The following AFF1 variants were observed in gnomAD, a reference collection of about 807,000 sequenced individuals.
The protein encoded by AFF1 is AF4/FMR2 family member 1.
AFF1 carries 48 observed loss-of-function variants against 121.7 expected under a neutral mutation model. The observed-to-expected ratio is 0.39, with a 90% CI of 0.31 to 0.50. AFF1 has a LOEUF of 0.50. Ranked by LOEUF, AFF1 falls within the 20% of genes least tolerant of loss-of-function variation. AFF1 has a pLI of 0.76. For synonymous variants in AFF1, 613 were observed against 563.0 expected, an observed-to-expected ratio of 1.09 and a Z score of -1.26; for missense variants, 1,523 against 1,511.7, an observed-to-expected ratio of 1.01 and a Z score of -0.12.
At chr4:86,969,033 G>C (rs1334137155) in intron 2 of AFF1, among the ~76,000 whole-genome samples, 5 of 152,204 alleles carry the variant, frequency 3.3e-5, no homozygotes, top group Non-Finnish European at 4.4e-5. Context: ...TGTGTTCATT[G>C]GTCTTAGGTC....
intron 2 of AFF1, among the ~76,000 whole-genome samples, chr4:87,020,500 T>C (rs1473309881): frequency 1.3e-5 from 2 of 152,174 alleles, no homozygotes; most frequent in Non-Finnish European, 2.9e-5. Flanking sequence ...TTTTGTTTTG[T>C]TTCAGATGGA....
chr4:86,942,117 CT>C (rs952983860), intron 1 of AFF1, among the ~76,000 whole-genome samples: 1 of 152,182 alleles, frequency 6.6e-6, no homozygotes, highest in African/African-American at 2.4e-5. Context: ...TGTTCTCAGT[CT>C]TTTTTTCTTT....
At chr4:86,957,822 G>T (rs549057413) in intron 2 of AFF1, among the ~76,000 whole-genome samples, 1 of 152,012 alleles carries the variant, frequency 6.6e-6, no homozygotes, top group Non-Finnish European at 1.5e-5. Flanking sequence ...GATTACAGGC[G>T]TGAGCCACCA....
At chr4:86,987,845 C>T (rs1310949401) in intron 2 of AFF1, among the ~76,000 whole-genome samples, 11 of 151,420 alleles carry the variant, frequency 7.3e-5, no homozygotes, top group Admixed American at 5.3e-4. Flanking sequence ...CCCAGGTACT[C>T]GGGAGGCTGA....
chr4:87,115,609 C>CTTTTTTTTT (rs71660115), intron 12 of AFF1, among the ~76,000 whole-genome samples: 5,795 of 40,578 alleles, frequency 0.14, 979 homozygotes, highest in African/African-American at 0.3. Context: ...CAACCCACCT[C>CTTTTTTTTT]TTTTTTTTTT....
intron 2 of AFF1, among the ~76,000 whole-genome samples, chr4:87,000,272 C>T (rs561464640): frequency 2.0e-5 from 3 of 152,100 alleles, no homozygotes; most frequent in Admixed American, 6.6e-5. Context: ...CAGCCAAAAC[C>T]AGATAGAGGA....
In AFF1 at chr4:87,060,308, A is replaced by G. The variant is rs138584307; in HGVS notation, c.1059+12714A>G. On this transcript the variant is annotated intron_variant, in intron 4 of 20. Coordinates refer to ENST00000395146, the MANE Select transcript of AFF1 (RefSeq NM_001166693.3). ...GAAGTTTTATGCATCTGTCTCATAT[A>G]TAGGTGCTTTCTTTTGTATTAAATA... Among the ~76,000 whole-genome samples, 391 of 152,322 alleles carry G rather than the reference A, an allele frequency of 2.6e-3. 5 individuals carry two copies. The highest frequency in any genetic ancestry group is 8.2e-3 in the African/African-American group (341 of 41,568).
chr4:86,950,929 A>G (rs927476582), intron 2 of AFF1, among the ~76,000 whole-genome samples: 3 of 152,212 alleles, frequency 2.0e-5, no homozygotes, highest in African/African-American at 7.2e-5. Context: ...AAGATTGTGA[A>G]AATAATGTCA....
intron 4 of AFF1, among the ~76,000 whole-genome samples, chr4:87,060,850 A>C (rs902293636): frequency 2.2e-5 from 1 of 46,306 alleles, no homozygotes; most frequent in African/African-American, 1.7e-4. Context: ...AAAAAAAAAA[A>C]AAAAAAAAAA....
intron 2 of AFF1, among the ~76,000 whole-genome samples, chr4:86,977,809 G>A (rs1723419715): frequency 6.6e-6 from 1 of 152,208 alleles, no homozygotes; most frequent in Admixed American, 6.5e-5. Context: ...TTACCAGGGA[G>A]TTGCCCTAAC....
chr4:86,991,658 G>A (rs1724729946), intron 2 of AFF1, among the ~76,000 whole-genome samples: 1 of 151,458 alleles, frequency 6.6e-6, no homozygotes. Context: ...TCAGCTCTGA[G>A]ACTTTTTACT....
At chr4:87,105,540 T>G (rs1279898068) in intron 8 of AFF1, 88 bp from the exon 9 acceptor site, 1 of 1,437,060 alleles carries the variant, frequency 7.0e-7, no homozygotes, top group African/African-American at 1.4e-5. Flanking sequence ...TCTCTTTGTT[T>G]AATTAGGCAT....
intron 2 of AFF1, chr4:87,006,986 G>A: frequency 9.3e-7 from 1 of 1,070,840 alleles, no homozygotes; most frequent in Non-Finnish European, 1.1e-6. Context: ...AGTGAGCCCA[G>A]AGGCAATTTC....
intron 6 of AFF1, among the ~76,000 whole-genome samples, chr4:87,091,007 C>T (rs142781447): frequency 2.2e-4 from 30 of 137,950 alleles, no homozygotes; most frequent in Non-Finnish European, 3.3e-4. Context: ...GGTGAGACCC[C>T]GTCTCTCTAC....
At chr4:86,944,140 TAAAA>T (rs35682600) in intron 1 of AFF1, among the ~76,000 whole-genome samples, 18,313 of 95,894 alleles carry the variant, frequency 0.19, 1,450 homozygotes, top group East Asian at 0.33. Context: ...CAAGACCCTG[TAAAA>T]AAAAAAAAAA....
chr4:86,972,131 C>CAAAAAA (rs59683267), intron 2 of AFF1, among the ~76,000 whole-genome samples: 3 of 57,948 alleles, frequency 5.2e-5, no homozygotes, highest in African/African-American at 7.1e-5. Context: ...GAGCTTGTCT[C>CAAAAAA]AAAAAAAAAA....
chr4:87,120,503 A>G (rs932981914), intron 12 of AFF1, among the ~76,000 whole-genome samples: 3 of 152,244 alleles, frequency 2.0e-5, no homozygotes, highest in African/African-American at 4.8e-5. Context: ...CTGAGTAAAA[A>G]TAGATCTGCA....
Position 87,114,502 on chromosome 4 carries a change from A to G in AFF1, c.1669A>G (p.Ser557Gly), listed in dbSNP as rs969136778. Residue 557 changes from serine (S) to glycine (G), a missense_variant, in exon 12 of 21, where the codon AGT becomes GGT. Around this residue, in one of 5 missense-constraint regions of AFF1, gnomAD observed 905 missense variants for 842.5 expected, o/e 1.07. Coordinates refer to ENST00000395146, the MANE Select transcript of AFF1 (RefSeq NM_001166693.3). ...CCCAGAGAGTAAGGGCAGCAGCGAC[A>G]GTGCCACGAGTCAGGAGCATTCTGA... ...RHPESKGSSD[S>G]ATSQEHSESK... The G allele has an allele frequency of 3.1e-6, 5 of 1,613,740 alleles. No individual in the cohort carries two copies. The South Asian group carries it at 5.5e-5, about 18-fold the overall frequency.
intron 8 of AFF1, among the ~76,000 whole-genome samples, chr4:87,100,187 A>G (rs551315572): frequency 6.6e-6 from 1 of 152,278 alleles, no homozygotes; most frequent in Non-Finnish European, 1.5e-5. Flanking sequence ...TTAATTTGCT[A>G]GGAATCTTAG....
Sources: allele counts gnomAD v4.1 joint callset (sites outside exome capture counted in the v4.1 genomes callset), GRCh38; gene constraint gnomAD v4.1.1; regional missense constraint gnomAD v4.1.1; transcripts MANE v1.5; gene names NCBI Gene and HGNC (gene_info 2026-07-23, HGNC 2026-07-21).